The following DLC1 variants were observed in gnomAD, a reference collection of about 807,000 sequenced individuals.
DLC1 encodes the protein rho GTPase-activating protein 7.
Under a neutral mutation model 140.3 loss-of-function variants are expected in DLC1, and 54 were observed. That is an observed-to-expected ratio of 0.38 (90% confidence interval 0.31 to 0.48). The LOEUF (loss-of-function observed/expected upper bound fraction) is 0.48. DLC1 is among the 20% of genes least tolerant of loss of function. The pLI, the probability that DLC1 is intolerant of heterozygous loss-of-function variation, is 0.96. For missense variants in DLC1, 2,536 were observed against 1,907.0 expected, an observed-to-expected ratio of 1.33 and a Z score of -6.14; for synonymous variants, 986 against 728.1, an observed-to-expected ratio of 1.35 and a Z score of -5.70.
intron 5 of DLC1, chr8:13,304,805 A>G (rs562665303): frequency 2.1e-6 from 2 of 967,382 alleles, no homozygotes; most frequent in Non-Finnish European, 2.5e-6. Flanking sequence ...GAAAAATACT[A>G]TAATTTTTTT....
intron 7 of DLC1, among the ~76,000 whole-genome samples, chr8:13,103,737 G>C (rs1585629891): frequency 6.6e-6 from 1 of 151,432 alleles, no homozygotes. Context: ...TACTCGGGAG[G>C]CTGTGGCAGG....
chr8:13,106,931 C>T (rs997285468), intron 7 of DLC1, among the ~76,000 whole-genome samples: 1 of 152,200 alleles, frequency 6.6e-6, no homozygotes, highest in Non-Finnish European at 1.5e-5. Context: ...GAGGTATCCT[C>T]GTAGTGAATC....
intron 2 of DLC1, among the ~76,000 whole-genome samples, chr8:13,431,261 A>G (rs911727215): frequency 1.3e-4 from 20 of 152,162 alleles, no homozygotes; most frequent in African/African-American, 4.8e-4. Context: ...AGGCGGGCGG[A>G]TCACGAGGTC....
Position 13,118,004 on chromosome 8 carries a change from C to CTT in DLC1, c.1349-2349_1349-2348dup, listed in dbSNP as rs35775672. On this transcript the variant is annotated intron_variant, in intron 5 of 17. Coordinates refer to ENST00000276297, the MANE Select transcript of DLC1 (RefSeq NM_182643.3). ...ATATTCCTGTCTTCTTGTTCTCTTTCTTTTTTTTTTTTTTTTTTTTTTTGA... is the reference window on the plus strand; with the variant it reads ...ATATTCCTGTCTTCTTGTTCTCTTTCTTTTTTTTTTTTTTTTTTTTTTTTTGA... 2.0e-3 allele frequency among the ~76,000 whole-genome samples: 229 copies of CTT among 114,902 alleles called. 1 individual carries two copies. The highest frequency in any genetic ancestry group is 6.0e-3 in the African/African-American group (177 of 29,630). The allele number at this position is 114,902 out of a possible 152,430, so 75.4% of individuals were successfully genotyped here.
In DLC1 at chr8:13,100,878, T is replaced by C. The variant is rs561828626; in HGVS notation, c.1567-108A>G. On this transcript the variant is annotated intron_variant, in intron 8 of 17. Transcript: ENST00000276297. Reference sequence around the variant, plus strand: ...TATGCCAGTAGTATCAATTTCCCCCTTGTACTTCATGATTTTAATTTTAAA... The same window carrying C: ...TATGCCAGTAGTATCAATTTCCCCCCTGTACTTCATGATTTTAATTTTAAA... The C allele has an allele frequency of 2.0e-5, 23 of 1,173,708 alleles. No individual in the cohort carries two copies. The South Asian group carries it at 4.9e-4, about 25-fold the overall frequency. The allele number at this position is 1,173,708 out of a possible 1,614,324, so 72.7% of individuals were successfully genotyped here. A position where few individuals can be genotyped will look rare whatever the true frequency, so the allele number is the denominator to read the frequency against.
intron 1 of DLC1, among the ~76,000 whole-genome samples, chr8:13,536,919 G>C (rs1348007352): frequency 6.6e-6 from 1 of 151,936 alleles, no homozygotes; most frequent in Non-Finnish European, 1.5e-5. Flanking sequence ...CTATATTTTT[G>C]GAAAACATAT....
chr8:13,254,758 A>G (rs1830147867), intron 5 of DLC1, among the ~76,000 whole-genome samples: 1 of 152,056 alleles, frequency 6.6e-6, no homozygotes, highest in Admixed American at 6.6e-5. Context: ...CTCAATAGAT[A>G]AAAGTTTCAT....
At chr8:13,198,720 G>T (rs1345048996) in intron 5 of DLC1, among the ~76,000 whole-genome samples, 1 of 148,814 alleles carries the variant, frequency 6.7e-6, no homozygotes, top group Non-Finnish European at 1.5e-5. Flanking sequence ...CCTTGGCATG[G>T]CTTTTTTTTT....
At chr8:13,123,865 T>A (rs185023349) in intron 5 of DLC1, among the ~76,000 whole-genome samples, 1 of 152,172 alleles carries the variant, frequency 6.6e-6, no homozygotes, top group Non-Finnish European at 1.5e-5. Flanking sequence ...TTCTAGTAAG[T>A]GGTCTTAATT....
intron 5 of DLC1, among the ~76,000 whole-genome samples, chr8:13,242,522 A>G (rs1829584294): frequency 6.6e-6 from 1 of 151,994 alleles, no homozygotes; most frequent in Non-Finnish European, 1.5e-5. Flanking sequence ...CAGTTTCCCA[A>G]GTAGTTGGGA....
chr8:13,530,522 T>C (rs984760533), intron 1 of DLC1, among the ~76,000 whole-genome samples: 1 of 152,148 alleles, frequency 6.6e-6, no homozygotes, highest in Admixed American at 6.6e-5. Flanking sequence ...TGTATGTGTG[T>C]TTCCAGATAC....
At chr8:13,123,592 C>T (rs1417733226) in intron 5 of DLC1, among the ~76,000 whole-genome samples, 1 of 151,762 alleles carries the variant, frequency 6.6e-6, no homozygotes, top group African/African-American at 2.4e-5. Flanking sequence ...AAGTGATCTG[C>T]CTGCCTCGGC....
intron 4 of DLC1, among the ~76,000 whole-genome samples, chr8:13,377,892 C>T (rs1001746555): frequency 1.6e-4 from 24 of 151,546 alleles, no homozygotes; most frequent in African/African-American, 5.8e-4. Context: ...AAGATGGCAG[C>T]ATTCTGAAAG....
chr8:13,168,517 T>G (rs1283073967), intron 5 of DLC1, among the ~76,000 whole-genome samples: 2 of 152,236 alleles, frequency 1.3e-5, no homozygotes, highest in Non-Finnish European at 2.9e-5. Flanking sequence ...AAATTGATTT[T>G]ATGCTTAAAA....
intron 5 of DLC1, among the ~76,000 whole-genome samples, chr8:13,292,222 A>AG (rs1049429361): frequency 6.6e-6 from 1 of 152,064 alleles, no homozygotes; most frequent in African/African-American, 2.4e-5. Flanking sequence ...GACATTTTGA[A>AG]TGTGTCTCCA....
At chr8:13,448,781 G>A (rs546797750) in intron 2 of DLC1, among the ~76,000 whole-genome samples, 104 of 152,274 alleles carry the variant, frequency 6.8e-4, no homozygotes, top group African/African-American at 2.4e-3. Context: ...GAATCTTTTA[G>A]AACAGTTTTT....
chr8:13,296,304 G>A (rs1314193372), intron 5 of DLC1, among the ~76,000 whole-genome samples: 1 of 151,976 alleles, frequency 6.6e-6, no homozygotes, highest in African/African-American at 2.4e-5. Context: ...TGATAAAATG[G>A]ATACAAAAGG....
At position 13,086,687 on chromosome 8, in the gene DLC1, T is replaced by C. The variant is rs548181432; in HGVS notation, c.4293-224A>G. ...AAAGTGAATGCCCAATACAACAGTG[T>C]TGGGAGGTGGGGCCTAATGGGAGCT... On this transcript the variant is annotated intron_variant, in intron 16 of 17. Transcript: ENST00000276297. Among the ~76,000 whole-genome samples the C allele has an allele frequency of 5.9e-5, 9 of 152,180 alleles. No individual in the cohort carries two copies. The South Asian group carries it at 1.9e-3, about 32-fold the overall frequency.
At position 13,157,368 on chromosome 8, in the gene DLC1, C is replaced by T. The variant is rs895257573; in HGVS notation, c.1349-41711G>A. Among the ~76,000 whole-genome samples the T allele has an allele frequency of 4.6e-5, 7 of 152,048 alleles. No homozygotes were observed. The East Asian group carries it at 7.7e-4, about 17-fold the overall frequency. ...AGCCTTGAAGGAGTTTGGGAACAGA[C>T]GAAAATTTACCACAGGGAAGAACAT... On this transcript the variant is annotated intron_variant, in intron 5 of 17. Transcript: ENST00000276297.
Sources: allele counts gnomAD v4.1 joint callset (sites outside exome capture counted in the v4.1 genomes callset), GRCh38; gene constraint gnomAD v4.1.1; transcripts MANE v1.5; gene names NCBI Gene and HGNC (gene_info 2026-07-23, HGNC 2026-07-21).